MEMO1: variants seen among roughly 807,000 people sequenced by gnomAD.
MEMO1 encodes the protein mediator of cell motility 1, also known as protein MEMO1.
A neutral mutation model predicts 45.2 loss-of-function variants in MEMO1; 6 were observed. That is an observed-to-expected ratio of 0.13 (90% CI 0.07 to 0.26). The LOEUF (loss-of-function observed/expected upper bound fraction) is 0.26, where lower values mean the gene tolerates loss of function less well. MEMO1 is among the 10% of genes least tolerant of loss of function. The pLI is 1.00. For synonymous variants in MEMO1, 78 were observed against 124.3 expected, an observed-to-expected ratio of 0.63 and a Z score of 2.48; for missense variants, 184 against 370.5, an observed-to-expected ratio of 0.50 and a Z score of 4.13.
chr2:32,005,534 T>TG (rs1297728466), intron 2 of MEMO1, among the ~76,000 whole-genome samples: 1 of 152,040 alleles, frequency 6.6e-6, no homozygotes, highest in Non-Finnish European at 1.5e-5. Flanking sequence ...TTGTTTAAAG[T>TG]ATGTCATACT....
At chr2:31,957,130 G>A (rs745912391) in intron 2 of MEMO1, among the ~76,000 whole-genome samples, 6 of 135,344 alleles carry the variant, frequency 4.4e-5, no homozygotes, top group East Asian at 4.2e-4. Context: ...CAACGAAAGC[G>A]AAACTCCGTC....
chr2:31,996,438 G>A (rs1394334438), intron 2 of MEMO1, among the ~76,000 whole-genome samples: 1 of 152,012 alleles, frequency 6.6e-6, no homozygotes, highest in Non-Finnish European at 1.5e-5. Context: ...CCCAGCTGAG[G>A]GAGGCTAAGG....
At position 31,870,048 on chromosome 2, in the gene MEMO1, A is replaced by G. The variant is rs550390733; in HGVS notation, c.658-96T>C. 19 of 951,416 alleles carry G rather than the reference A, an allele frequency of 2.0e-5. No homozygotes were observed. The South Asian group carries it at 5.7e-4, about 29-fold the overall frequency. The allele number at this position is 951,416 out of a possible 1,614,324, so 58.9% of individuals were successfully genotyped here. ...TATTTTAAAACTGTTACTTAAACATAATTCTTCAATTAGGGAGACACAAAG... is the reference window on the plus strand; with the variant it reads ...TATTTTAAAACTGTTACTTAAACATGATTCTTCAATTAGGGAGACACAAAG... On this transcript the variant is annotated intron_variant, in intron 8 of 9. Coordinates refer to ENST00000404530, the MANE Select transcript of MEMO1 (RefSeq NM_001301833.4).
chr2:31,880,044 T>C (rs1299543922), intron 8 of MEMO1, among the ~76,000 whole-genome samples: 1 of 152,198 alleles, frequency 6.6e-6, no homozygotes, highest in Non-Finnish European at 1.5e-5. Context: ...CTCAGCTCTC[T>C]ATATTGTAAT....
intron 4 of MEMO1, among the ~76,000 whole-genome samples, chr2:31,926,969 A>T (rs1185889859): frequency 6.6e-6 from 1 of 152,228 alleles, no homozygotes; most frequent in Admixed American, 6.5e-5. Context: ...AATGCTCCAC[A>T]CGTTACAAAA....
At chr2:31,980,009 TA>T (rs34551355) in intron 2 of MEMO1, among the ~76,000 whole-genome samples, 18,424 of 137,368 alleles carry the variant, frequency 0.13, 1,179 homozygotes, top group Middle Eastern at 0.21. Flanking sequence ...TGTCTTAATT[TA>T]AAAAAAAAAA....
intron 4 of MEMO1, chr2:31,923,627 A>G (rs1394349665): frequency 1.9e-6 from 3 of 1,544,786 alleles, no homozygotes; most frequent in Non-Finnish European, 2.6e-6. Context: ...AGGGCCAGGT[A>G]GTATATGAAC....
chr2:31,953,092 G>A lies in MEMO1; in HGVS notation c.62-9709C>T, dbSNP rs139109062. 1.8e-4 allele frequency among the ~76,000 whole-genome samples: 27 copies of A among 152,048 alleles called. No homozygotes were observed. The East Asian group carries it at 3.3e-3, about 19-fold the overall frequency. On this transcript the variant is annotated intron_variant, in intron 2 of 9. Coordinates refer to ENST00000404530, the MANE Select transcript of MEMO1 (RefSeq NM_001301833.4). ...TCCATATTTAAGATTATTTCTGGCC[G>A]GCACGGTGTCTCACACCTGTAATCC...
chr2:31,976,477 C>T (rs1156324141), intron 2 of MEMO1, among the ~76,000 whole-genome samples: 2 of 151,778 alleles, frequency 1.3e-5, no homozygotes, highest in African/African-American at 4.8e-5. Flanking sequence ...ACTCAGGAGG[C>T]TGAGGCATGA....
intron 4 of MEMO1, among the ~76,000 whole-genome samples, chr2:31,924,425 C>A (rs1447740643): frequency 6.8e-6 from 1 of 148,076 alleles, no homozygotes; most frequent in Non-Finnish European, 1.5e-5. Context: ...AATATTAGCA[C>A]ATCATCGGTG....
intron 2 of MEMO1, among the ~76,000 whole-genome samples, chr2:31,983,061 A>ACC (rs1286563218): frequency 1.3e-5 from 2 of 151,902 alleles, no homozygotes; most frequent in East Asian, 1.9e-4. Context: ...CAGCACGGTG[A>ACC]AACCCCATCT....
At chr2:31,912,948 T>A (rs1249445833) in intron 6 of MEMO1, among the ~76,000 whole-genome samples, 1 of 152,198 alleles carries the variant, frequency 6.6e-6, no homozygotes. Flanking sequence ...ACTACTATTT[T>A]TTTAAAAAGC....
intron 2 of MEMO1, among the ~76,000 whole-genome samples, chr2:31,955,008 A>C (rs918750351): frequency 1.3e-5 from 2 of 152,016 alleles, no homozygotes; most frequent in Admixed American, 1.3e-4. Flanking sequence ...TGAAAGTCCA[A>C]AGAGGGAGGA....
At chr2:31,996,609 T>C (rs1672650135) in intron 2 of MEMO1, among the ~76,000 whole-genome samples, 1 of 152,124 alleles carries the variant, frequency 6.6e-6, no homozygotes, top group South Asian at 2.1e-4. Flanking sequence ...ATTTCAACAC[T>C]GCTCTTAAGA....
At chr2:31,994,917 G>T (rs1274131669) in intron 2 of MEMO1, among the ~76,000 whole-genome samples, 1 of 151,026 alleles carries the variant, frequency 6.6e-6, no homozygotes, top group South Asian at 2.1e-4. Context: ...CAAGGCACTC[G>T]TGCCTTGCGG....
At chr2:31,898,664 G>C (rs1175071074) in intron 6 of MEMO1, among the ~76,000 whole-genome samples, 1 of 152,176 alleles carries the variant, frequency 6.6e-6, no homozygotes, top group Non-Finnish European at 1.5e-5. Context: ...AGTGCAATGT[G>C]CTGCTGAGAA....
intron 6 of MEMO1, among the ~76,000 whole-genome samples, chr2:31,911,829 A>T (rs1457947020): frequency 6.6e-6 from 1 of 152,002 alleles, no homozygotes; most frequent in African/African-American, 2.4e-5. Context: ...TTTTGGAGAA[A>T]GGGGACTCAC....
intron 8 of MEMO1, among the ~76,000 whole-genome samples, chr2:31,870,801 C>A (rs1673596413): frequency 6.6e-6 from 1 of 152,148 alleles, no homozygotes; most frequent in Non-Finnish European, 1.5e-5. Flanking sequence ...TGGTCTTGAA[C>A]TCCTGACCTC....
intron 4 of MEMO1, among the ~76,000 whole-genome samples, chr2:31,928,260 T>C (rs533147440): frequency 6.6e-6 from 1 of 152,328 alleles, no homozygotes; most frequent in Non-Finnish European, 1.5e-5. Flanking sequence ...AGAAAAATCT[T>C]GGCCAGGAAC....
Sources: gnomAD v4.1 joint callset for allele counts (sites outside exome capture counted in the v4.1 genomes callset) on GRCh38, gnomAD v4.1.1 for gene constraint, MANE v1.5 for transcripts, NCBI Gene and HGNC (gene_info 2026-07-23, HGNC 2026-07-21) for gene names.